GRIN3A: variants seen among roughly 807,000 people sequenced by gnomAD.
GRIN3A encodes the protein glutamate ionotropic receptor NMDA type subunit 3A, also known as glutamate receptor ionotropic, NMDA 3A.
GRIN3A carries 47 observed loss-of-function variants against 92.4 expected under a neutral mutation model. That is an observed-to-expected ratio of 0.51 (90% CI 0.40 to 0.65). The LOEUF (loss-of-function observed/expected upper bound fraction) is 0.65. GRIN3A is among the 30% of genes least tolerant of loss of function. The pLI is 0.00. For synonymous variants in GRIN3A, 527 were observed against 540.6 expected (o/e 0.97, Z 0.35); for missense variants, 1,324 against 1,393.1 (o/e 0.95, Z 0.79).
intron 2 of GRIN3A, among the ~76,000 whole-genome samples, chr9:101,671,501 T>C (rs1034535017): frequency 5.3e-5 from 8 of 152,216 alleles, no homozygotes; most frequent in African/African-American, 1.9e-4. Context: ...TTGTTGACTA[T>C]GTTCAATTGT....
chr9:101,731,400 G>A (rs1417198403), intron 1 of GRIN3A, among the ~76,000 whole-genome samples: 1 of 152,100 alleles, frequency 6.6e-6, no homozygotes, highest in Non-Finnish European at 1.5e-5. Context: ...AAACATATTT[G>A]TGAAAAAGCC....
In GRIN3A at chr9:101,651,658, G is replaced by GTT. The variant is rs148319420; in HGVS notation, c.2352+18401_2352+18402insAA. Among the ~76,000 whole-genome samples the GTT allele has an allele frequency of 2.6e-5, 4 of 151,724 alleles. No individual in the cohort carries two copies. The South Asian group carries it at 6.2e-4, about 24-fold the overall frequency. The stretch of plus-strand genomic sequence containing the variant: ...CCATTGTGTGTGTGTGTGTGTGTGT[G>GTT]TGTGTGTGTGGTCATTCTTTCAGAT... On this transcript the variant is annotated intron_variant, in intron 3 of 8. Transcript: ENST00000361820.
At position 101,653,151 on chromosome 9, in the gene GRIN3A, A is replaced by G. The variant is rs551752106; in HGVS notation, c.2352+16909T>C. ...ATGAATGGTTATTAAAACTTCAGTCATCACATGCCACTTGTGTCAGGAATT... is the reference window on the plus strand; with the variant it reads ...ATGAATGGTTATTAAAACTTCAGTCGTCACATGCCACTTGTGTCAGGAATT... On this transcript the variant is annotated intron_variant, in intron 3 of 8. Coordinates refer to ENST00000361820, the MANE Select transcript of GRIN3A (RefSeq NM_133445.3). 3.0e-4 allele frequency among the ~76,000 whole-genome samples: 46 copies of G among 152,114 alleles called. 1 individual carries two copies. The South Asian group carries it at 9.3e-3, about 31-fold the overall frequency.
At chr9:101,702,163 G>A (rs894564494) in intron 1 of GRIN3A, among the ~76,000 whole-genome samples, 1 of 152,078 alleles carries the variant, frequency 6.6e-6, no homozygotes, top group African/African-American at 2.4e-5. Flanking sequence ...TTAGCCAGGT[G>A]TGGTAGCATA....
Position 101,659,096 on chromosome 9 carries a change from A to T in GRIN3A, c.2352+10964T>A, listed in dbSNP as rs957282916. On this transcript the variant is annotated intron_variant, in intron 3 of 8. Coordinates refer to ENST00000361820, the MANE Select transcript of GRIN3A (RefSeq NM_133445.3). ...CTCTTGGGGGACTACCTGCAACTTC[A>T]TACACAGATAAATATTTATTGAGCA... is the stretch of plus-strand genomic sequence containing the variant. Among the ~76,000 whole-genome samples the T allele has an allele frequency of 2.0e-5, 3 of 151,928 alleles. No homozygotes were observed. The South Asian group carries it at 6.2e-4, about 31-fold the overall frequency.
chr9:101,620,764 T>C (rs1159440174), intron 5 of GRIN3A, among the ~76,000 whole-genome samples: 1 of 152,104 alleles, frequency 6.6e-6, no homozygotes, highest in Non-Finnish European at 1.5e-5. Context: ...GTATTGCTCA[T>C]ACACCGCTTT....
intron 1 of GRIN3A, among the ~76,000 whole-genome samples, chr9:101,732,740 A>C (rs111937090): frequency 6.6e-6 from 1 of 152,344 alleles, no homozygotes; most frequent in Non-Finnish European, 1.5e-5. Context: ...GATAATGACC[A>C]ACACCTCTCC....
At chr9:101,594,235 GAGA>G (rs1356844774) in intron 6 of GRIN3A, 1 of 804,158 alleles carries the variant, frequency 1.2e-6, no homozygotes. Context: ...GAGTCATTCA[GAGA>G]AGGAGAATTA....
intron 1 of GRIN3A, among the ~76,000 whole-genome samples, chr9:101,708,512 C>T (rs1028195340): frequency 6.6e-6 from 1 of 152,032 alleles, no homozygotes; most frequent in South Asian, 2.1e-4. Context: ...TTGTGGCCAA[C>T]CCCCCAAATG....
chr9:101,656,888 G>T (rs943520357), intron 3 of GRIN3A, among the ~76,000 whole-genome samples: 3 of 151,882 alleles, frequency 2.0e-5, no homozygotes, highest in Non-Finnish European at 2.9e-5. Flanking sequence ...AGGAAGCTGT[G>T]CCAGTTGCCT....
intron 6 of GRIN3A, among the ~76,000 whole-genome samples, chr9:101,604,418 C>G (rs1047606006): frequency 6.6e-6 from 1 of 152,188 alleles, no homozygotes; most frequent in African/African-American, 2.4e-5. Flanking sequence ...TGTGCTTCTT[C>G]GGGTTTTCAG....
intron 6 of GRIN3A, chr9:101,594,991 G>C: frequency 6.5e-7 from 1 of 1,542,656 alleles, no homozygotes; most frequent in Non-Finnish European, 8.7e-7. Flanking sequence ...GCTCGGGCGG[G>C]GCTCGTGCCC....
At position 101,665,784 on chromosome 9, in the gene GRIN3A, A is replaced by T. The variant is rs1829230050; in HGVS notation, c.2352+4276T>A. The stretch of plus-strand genomic sequence containing the variant: ...AAGTGAATTTGAAAAATGAAAAGGG[A>T]ATTTTGAAAAATACTCAAAAAATTA... On this transcript the variant is annotated intron_variant, in intron 3 of 8. Coordinates refer to ENST00000361820, the MANE Select transcript of GRIN3A (RefSeq NM_133445.3). Among the ~76,000 whole-genome samples the T allele has an allele frequency of 2.0e-5, 3 of 151,994 alleles. No individual in the cohort carries two copies. The South Asian group carries it at 6.2e-4, about 31-fold the overall frequency.
intron 3 of GRIN3A, among the ~76,000 whole-genome samples, chr9:101,648,204 T>A (rs1440841520): frequency 6.6e-6 from 1 of 152,062 alleles, no homozygotes; most frequent in African/African-American, 2.4e-5. Context: ...ATTTCCTTTT[T>A]AATTTCTTTA....
At chr9:101,700,003 G>C (rs151326113) in intron 1 of GRIN3A, among the ~76,000 whole-genome samples, 12 of 152,010 alleles carry the variant, frequency 7.9e-5, no homozygotes, top group Non-Finnish European at 1.5e-4. Context: ...TCCCTTTCCT[G>C]CCTCATTCTC....
chr9:101,691,263 G>A (rs2485521), intron 1 of GRIN3A, among the ~76,000 whole-genome samples: 64,303 of 151,894 alleles, frequency 0.42, 13,866 homozygotes, highest in South Asian at 0.47. Context: ...GGCATTTCCT[G>A]TTGTCTCTAT....
In GRIN3A at chr9:101,628,237, C is replaced by G. The variant is rs1221920639; in HGVS notation, c.2498+19G>C. ...CTTCAGTGAGAATTTTTCTTTGGAT[C>G]CAAGAGGTTGACACTCACTTCAGAT... On this transcript the variant is annotated intron_variant, in intron 4 of 8. Coordinates refer to ENST00000361820, the MANE Select transcript of GRIN3A (RefSeq NM_133445.3). 6.2e-7 allele frequency: 1 copy of G among 1,613,412 alleles called. No individual in the cohort carries two copies. The highest frequency in any genetic ancestry group is 1.1e-5 in the South Asian group (1 of 91,058).
At chr9:101,610,339 C>G (rs1828344881) in intron 6 of GRIN3A, among the ~76,000 whole-genome samples, 1 of 152,182 alleles carries the variant, frequency 6.6e-6, no homozygotes. Context: ...AATGTTTGAT[C>G]AATATAAAAG....
chr9:101,654,391 T>C (rs1275913443), intron 3 of GRIN3A, among the ~76,000 whole-genome samples: 1 of 151,570 alleles, frequency 6.6e-6, no homozygotes. Context: ...ATGTATGATA[T>C]ACAAATACTC....
Sources: gnomAD v4.1 joint callset for allele counts (sites outside exome capture counted in the v4.1 genomes callset) on GRCh38, gnomAD v4.1.1 for gene constraint, MANE v1.5 for transcripts, NCBI Gene and HGNC (gene_info 2026-07-23, HGNC 2026-07-21) for gene names.